The following FGGY variants were observed in gnomAD, a reference collection of about 807,000 sequenced individuals.
FGGY encodes FGGY carbohydrate kinase domain-containing protein.
FGGY carries 72 observed loss-of-function variants against 71.3 expected under a neutral mutation model. The ratio of observed to expected loss-of-function variants is 1.01; its 90% CI spans 0.84 to 1.23. The LOEUF (loss-of-function observed/expected upper bound fraction) is 1.23, where lower values mean the gene tolerates loss of function less well. Among genes scored for constraint, FGGY ranks in the 50% most tolerant of loss-of-function variants. The pLI is 0.00. For missense variants in FGGY, 668 were observed against 682.3 expected (o/e 0.98, Z 0.23); for synonymous variants, 251 against 250.3 (o/e 1.00, Z -0.02).
intron 14 of FGGY, among the ~76,000 whole-genome samples, chr1:59,694,139 A>C (rs1413367711): frequency 1.3e-5 from 2 of 151,296 alleles, no homozygotes; most frequent in African/African-American, 4.9e-5. Flanking sequence ...AATACAAAAA[A>C]TTAGCTGGGC....
chr1:59,377,756 A>G (rs1043462270), intron 4 of FGGY, among the ~76,000 whole-genome samples: 8 of 152,068 alleles, frequency 5.3e-5, no homozygotes, highest in Non-Finnish European at 1.5e-5. Context: ...TAACCAAATG[A>G]GGAAGGGGAT....
chr1:59,548,690 A>G (rs1202734893), intron 7 of FGGY, among the ~76,000 whole-genome samples: 1 of 152,232 alleles, frequency 6.6e-6, no homozygotes, highest in Non-Finnish European at 1.5e-5. Context: ...ATGTGAATTA[A>G]TTAGGATAGA....
chr1:59,502,921 C>T (rs2094271892), intron 6 of FGGY, among the ~76,000 whole-genome samples: 4 of 152,220 alleles, frequency 2.6e-5, no homozygotes, highest in Non-Finnish European at 5.9e-5. Context: ...GTTCGGATTT[C>T]ATGACTCTTG....
intron 5 of FGGY, among the ~76,000 whole-genome samples, chr1:59,413,869 G>A (rs1442221182): frequency 6.6e-6 from 1 of 152,194 alleles, no homozygotes; most frequent in South Asian, 2.1e-4. Context: ...GCTGAGGCAT[G>A]AGAATTGCTT....
At chr1:59,323,594 G>T (rs1436445360) in intron 2 of FGGY, among the ~76,000 whole-genome samples, 2 of 152,190 alleles carry the variant, frequency 1.3e-5, no homozygotes, top group Admixed American at 1.3e-4. Flanking sequence ...TAGGTGACCT[G>T]TTATAGAGCA....
intron 7 of FGGY, 50 bp from the exon 8 acceptor site, chr1:59,554,074 T>C: frequency 7.1e-7 from 1 of 1,402,304 alleles, no homozygotes; most frequent in Non-Finnish European, 9.9e-7. Context: ...TTTCTCTCCC[T>C]CTTTTTTTAT....
At chr1:59,643,205 A>G (rs150266473) in intron 11 of FGGY, among the ~76,000 whole-genome samples, 1 of 151,992 alleles carries the variant, frequency 6.6e-6, no homozygotes, top group South Asian at 2.1e-4. Context: ...AAGAGACAGG[A>G]TCTTGCTCTT....
At chr1:59,580,194 C>T (rs960217207) in intron 8 of FGGY, among the ~76,000 whole-genome samples, 1 of 152,178 alleles carries the variant, frequency 6.6e-6, no homozygotes, top group Admixed American at 6.6e-5. Flanking sequence ...ACACAGTTAT[C>T]GTCCTACGCT....
chr1:59,661,027 T>A (rs991546044), intron 12 of FGGY, among the ~76,000 whole-genome samples: 1 of 152,204 alleles, frequency 6.6e-6, no homozygotes, highest in Non-Finnish European at 1.5e-5. Flanking sequence ...CGAAATTAAG[T>A]TAATCCAGTG....
intron 5 of FGGY, among the ~76,000 whole-genome samples, chr1:59,419,041 A>G (rs1284550103): frequency 1.3e-5 from 2 of 152,166 alleles, no homozygotes; most frequent in East Asian, 1.9e-4. Context: ...TGGCTGTAGG[A>G]GCTATGGCTG....
At chr1:59,557,657 G>A (rs1332106170) in intron 8 of FGGY, among the ~76,000 whole-genome samples, 2 of 152,170 alleles carry the variant, frequency 1.3e-5, no homozygotes, top group South Asian at 2.1e-4. Flanking sequence ...AGAGCTGCTT[G>A]TTCAGAGTTA....
chr1:59,507,747 G>A (rs1390338351), intron 6 of FGGY, among the ~76,000 whole-genome samples: 30 of 145,756 alleles, frequency 2.1e-4, no homozygotes, highest in Non-Finnish European at 3.0e-5. Context: ...TGTTGGCCAG[G>A]CTGGTCTCAA....
At chr1:59,703,046 CT>C (rs1244052936) in intron 14 of FGGY, among the ~76,000 whole-genome samples, 2 of 152,156 alleles carry the variant, frequency 1.3e-5, no homozygotes, top group Non-Finnish European at 2.9e-5. Flanking sequence ...GTTGCCTTTT[CT>C]TATACTCCAC....
At chr1:59,676,559 A>G (rs1352402025) in intron 14 of FGGY, among the ~76,000 whole-genome samples, 1 of 151,806 alleles carries the variant, frequency 6.6e-6, no homozygotes, top group Admixed American at 6.6e-5. Flanking sequence ...TCCAGCTCCA[A>G]AGGAATTCCA....
At chr1:59,443,961 G>A (rs2070611750) in intron 5 of FGGY, among the ~76,000 whole-genome samples, 1 of 152,168 alleles carries the variant, frequency 6.6e-6, no homozygotes, top group Admixed American at 6.5e-5. Context: ...TCTTCAGATG[G>A]CCAGAGGCAA....
intron 14 of FGGY, among the ~76,000 whole-genome samples, chr1:59,743,662 C>T (rs1429966102): frequency 6.6e-6 from 1 of 151,608 alleles, no homozygotes; most frequent in Non-Finnish European, 1.5e-5. Context: ...CAGAAGGAAG[C>T]AGACTGGATT....
chr1:59,486,339 T>G (rs2093657817), intron 6 of FGGY, among the ~76,000 whole-genome samples: 2 of 152,146 alleles, frequency 1.3e-5, no homozygotes, highest in Admixed American at 1.3e-4. Flanking sequence ...TGGAACCAAG[T>G]GGCAATGCAT....
chr1:59,760,861 G>GT (rs1316413189), intron 15 of FGGY, among the ~76,000 whole-genome samples: 11 of 152,164 alleles, frequency 7.2e-5, no homozygotes, highest in African/African-American at 2.4e-4. Flanking sequence ...TCTATCTCAT[G>GT]TAGTGAAAGA....
At chr1:59,497,219 A>G (rs916314328) in intron 6 of FGGY, among the ~76,000 whole-genome samples, 1 of 152,218 alleles carries the variant, frequency 6.6e-6, no homozygotes, top group African/African-American at 2.4e-5. Flanking sequence ...TAGATTTACA[A>G]ATTTCCAGCA....
Sources: allele counts gnomAD v4.1 joint callset (sites outside exome capture counted in the v4.1 genomes callset), GRCh38; gene constraint gnomAD v4.1.1; transcripts MANE v1.5; gene names NCBI Gene and HGNC (gene_info 2026-07-23, HGNC 2026-07-21).